CADPS: variants seen among roughly 807,000 people sequenced by gnomAD.
CADPS encodes calcium dependent secretion activator, also known as calcium-dependent secretion activator 1.
In CADPS, 57 loss-of-function variants were observed where a neutral mutation model predicts 167.3. That is an observed-to-expected ratio of 0.34 (90% CI 0.28 to 0.42). The LOEUF is 0.42. CADPS is among the 20% of genes least tolerant of loss of function. CADPS has a pLI of 1.00. For synonymous variants in CADPS, 676 were observed against 635.3 expected (o/e 1.06, Z -0.96); for missense variants, 1,414 against 1,738.1 (o/e 0.81, Z 3.32).
chr3:62,591,965 G>A (rs753661181), intron 7 of CADPS, among the ~76,000 whole-genome samples: 4 of 152,154 alleles, frequency 2.6e-5, no homozygotes, highest in Non-Finnish European at 4.4e-5. Context: ...AATGAACTAC[G>A]TGGAGATCTT....
intron 7 of CADPS, among the ~76,000 whole-genome samples, chr3:62,588,281 T>C (rs2085105702): frequency 6.7e-6 from 1 of 149,304 alleles, no homozygotes; most frequent in Admixed American, 6.9e-5. Context: ...GCTAGGTGCT[T>C]CATTTCCAGG....
rs148911097 is a variant in CADPS, at chr3:62,802,494, C to T, written c.442-36510G>A. ...CAAGATTAGGTCAACCTCTCCTAAT[C>T]TCTCTAACAGGTGCCCAGCATCTTC... On this transcript the variant is annotated intron_variant, in intron 1 of 29. Transcript: ENST00000383710. 3.2e-3 allele frequency among the ~76,000 whole-genome samples: 483 copies of T among 152,300 alleles called. 5 individuals are homozygous for T. Among genetic ancestry groups the T allele is most frequent in the African/African-American group, 0.011 (461 of 41,578 alleles).
At chr3:62,406,713 T>A (rs755804670) in intron 28 of CADPS, among the ~76,000 whole-genome samples, 3 of 152,180 alleles carry the variant, frequency 2.0e-5, no homozygotes, top group Non-Finnish European at 4.4e-5. Context: ...CTGGGCACCT[T>A]TAAAATATGC....
intron 3 of CADPS, among the ~76,000 whole-genome samples, chr3:62,750,928 T>A (rs989295742): frequency 1.3e-5 from 2 of 152,210 alleles, no homozygotes; most frequent in Admixed American, 1.3e-4. Context: ...GCTTCCATTT[T>A]TTCACTATCA....
chr3:62,557,924 A>T (rs2078458316), intron 9 of CADPS, among the ~76,000 whole-genome samples: 1 of 152,256 alleles, frequency 6.6e-6, no homozygotes, highest in African/African-American at 2.4e-5. Flanking sequence ...TGTTCTACCT[A>T]ATGTGACTGT....
intron 9 of CADPS, among the ~76,000 whole-genome samples, chr3:62,557,787 C>T (rs2078426103): frequency 6.6e-6 from 1 of 152,180 alleles, no homozygotes; most frequent in Admixed American, 6.5e-5. Flanking sequence ...ACAGTCTGTT[C>T]CTGGCACTTA....
intron 1 of CADPS, among the ~76,000 whole-genome samples, chr3:62,858,482 T>C (rs531704520): frequency 1.3e-3 from 198 of 152,252 alleles, no homozygotes; most frequent in Admixed American, 3.4e-3. Context: ...GTGCTGTGTG[T>C]TGATGGGTCT....
intron 3 of CADPS, among the ~76,000 whole-genome samples, chr3:62,689,831 G>A (rs1314181190): frequency 1.3e-5 from 2 of 151,974 alleles, no homozygotes; most frequent in African/African-American, 4.8e-5. Flanking sequence ...TGAGATGGGA[G>A]GATGGGTAAG....
intron 1 of CADPS, among the ~76,000 whole-genome samples, chr3:62,780,137 T>C (rs1038894213): frequency 1.3e-5 from 2 of 152,158 alleles, no homozygotes; most frequent in Non-Finnish European, 2.9e-5. Flanking sequence ...CCTCCCAAAA[T>C]GCTGGGATTA....
At chr3:62,672,769 A>G (rs1360401301) in intron 3 of CADPS, among the ~76,000 whole-genome samples, 2 of 152,138 alleles carry the variant, frequency 1.3e-5, no homozygotes, top group Non-Finnish European at 2.9e-5. Context: ...GACTACAGGC[A>G]TCATCATGCC....
intron 18 of CADPS, among the ~76,000 whole-genome samples, chr3:62,496,765 T>C (rs751226051): frequency 7.2e-5 from 11 of 152,204 alleles, no homozygotes; most frequent in Non-Finnish European, 1.6e-4. Flanking sequence ...CTGCGTTCTA[T>C]TGCTTGAAGG....
intron 3 of CADPS, among the ~76,000 whole-genome samples, chr3:62,735,858 T>G (rs535708114): frequency 6.6e-6 from 1 of 152,184 alleles, no homozygotes; most frequent in Non-Finnish European, 1.5e-5. Flanking sequence ...GAGATGATAG[T>G]GTAATGAAAT....
At chr3:62,567,752 T>G (rs2080525382) in intron 9 of CADPS, among the ~76,000 whole-genome samples, 1 of 151,742 alleles carries the variant, frequency 6.6e-6, no homozygotes, top group Non-Finnish European at 1.5e-5. Flanking sequence ...TTTTTGTATT[T>G]TTAGTAGAGA....
intron 26 of CADPS, among the ~76,000 whole-genome samples, chr3:62,452,053 T>A (rs1347225841): frequency 6.6e-6 from 1 of 152,178 alleles, no homozygotes; most frequent in Non-Finnish European, 1.5e-5. Flanking sequence ...ATATATTGAA[T>A]GAATGAACTT....
chr3:62,506,964 G>A (rs2066799173), intron 17 of CADPS, among the ~76,000 whole-genome samples: 1 of 152,218 alleles, frequency 6.6e-6, no homozygotes, highest in Non-Finnish European at 1.5e-5. Context: ...CTGGAGATAT[G>A]AAAACACATG....
At chr3:62,839,067 T>A (rs2076281780) in intron 1 of CADPS, among the ~76,000 whole-genome samples, 1 of 152,174 alleles carries the variant, frequency 6.6e-6, no homozygotes, top group Admixed American at 6.5e-5. Context: ...AATGACAGAT[T>A]TATTCAGAGG....
At chr3:62,603,782 A>C (rs1403436490) in intron 6 of CADPS, among the ~76,000 whole-genome samples, 1 of 151,702 alleles carries the variant, frequency 6.6e-6, no homozygotes, top group African/African-American at 2.4e-5. Context: ...GATAATTCCA[A>C]CATCTCTGCC....
intron 23 of CADPS, among the ~76,000 whole-genome samples, chr3:62,477,259 A>G (rs1196146650): frequency 3.3e-5 from 5 of 151,678 alleles, no homozygotes; most frequent in Non-Finnish European, 5.9e-5. Flanking sequence ...TGATCCATCA[A>G]CCAAGCTACA....
chr3:62,721,569 A>G (rs1457591895), intron 3 of CADPS, among the ~76,000 whole-genome samples: 1 of 152,070 alleles, frequency 6.6e-6, no homozygotes, highest in African/African-American at 2.4e-5. Flanking sequence ...GAAACAGACA[A>G]CTTCCAGACT....
Sources: gnomAD v4.1 joint callset for allele counts (sites outside exome capture counted in the v4.1 genomes callset) on GRCh38, gnomAD v4.1.1 for gene constraint, MANE v1.5 for transcripts, NCBI Gene and HGNC (gene_info 2026-07-23, HGNC 2026-07-21) for gene names.